The following IQSEC1 variants were observed in gnomAD, a reference collection of about 807,000 sequenced individuals.
The protein encoded by IQSEC1 is IQ motif and Sec7 domain ArfGEF 1.
A neutral mutation model predicts 91.0 loss-of-function variants in IQSEC1; 31 were observed. The observed-to-expected ratio is 0.34, with a 90% CI of 0.26 to 0.46. The LOEUF (loss-of-function observed/expected upper bound fraction) is 0.46. Among genes scored for constraint, IQSEC1 ranks in the 20% least tolerant of loss-of-function variants. The probability of loss-of-function intolerance (pLI) is 1.00; values close to 1 mark genes in which losing one functional copy is unlikely to be tolerated. For synonymous variants in IQSEC1, 699 were observed against 662.6 expected (o/e 1.05, Z -0.84); for missense variants, 1,388 against 1,575.6 (o/e 0.88, Z 2.02).
At chr3:12,927,854 G>A (rs1048533652) in intron 3 of IQSEC1, among the ~76,000 whole-genome samples, 1 of 152,210 alleles carries the variant, frequency 6.6e-6, no homozygotes, top group Non-Finnish European at 1.5e-5. Flanking sequence ...AGGTGACAGT[G>A]AGGACAAAGG....
At chr3:13,153,247 C>T (rs1435026588) in intron 2 of IQSEC1, among the ~76,000 whole-genome samples, 1 of 152,120 alleles carries the variant, frequency 6.6e-6, no homozygotes, top group African/African-American at 2.4e-5. Context: ...TCTGGTCCAG[C>T]GGAAGTTGAA....
chr3:13,107,183 G>A (rs1706164819), intron 2 of IQSEC1, among the ~76,000 whole-genome samples: 1 of 152,180 alleles, frequency 6.6e-6, no homozygotes, highest in Non-Finnish European at 1.5e-5. Context: ...CCCGAGAGAT[G>A]TCTATAGACT....
chr3:13,256,774 T>C (rs1445932382), intron 1 of IQSEC1, among the ~76,000 whole-genome samples: 1 of 152,046 alleles, frequency 6.6e-6, no homozygotes, highest in Non-Finnish European at 1.5e-5. Flanking sequence ...ACCCGTCAGG[T>C]GGCAAACACC....
At chr3:13,113,273 C>G (rs1335142574) in intron 2 of IQSEC1, among the ~76,000 whole-genome samples, 1 of 152,222 alleles carries the variant, frequency 6.6e-6, no homozygotes, top group Non-Finnish European at 1.5e-5. Flanking sequence ...CTGATTGATG[C>G]TGAAGCTGGG....
chr3:13,103,786 GA>G lies in IQSEC1; in HGVS notation c.303-56265del, dbSNP rs898159544. Reference sequence around the variant, plus strand: ...TATTCCATGTTGCCTACCACCCTACGAGGGCAGGGGCTGTGTCTGCCTCCAT... The same window carrying G: ...TATTCCATGTTGCCTACCACCCTACGGGGCAGGGGCTGTGTCTGCCTCCAT... On this transcript the variant is annotated intron_variant, in intron 2 of 15. Coordinates refer to the IQSEC1 transcript ENST00000648114. This position sits in a 1 kb window ranked among gnomAD's most constrained non-coding sequence, Gnocchi z 4.1. Among the ~76,000 whole-genome samples, 6 of 152,142 alleles carry G rather than the reference GA, an allele frequency of 3.9e-5. No individual in the cohort carries two copies. Among genetic ancestry groups the G allele is most frequent in the Non-Finnish European group, 7.4e-5 (5 of 68,016 alleles).
At chr3:12,927,298 CT>C (rs1206347407) in intron 3 of IQSEC1, among the ~76,000 whole-genome samples, 1 of 152,220 alleles carries the variant, frequency 6.6e-6, no homozygotes, top group Non-Finnish European at 1.5e-5. Context: ...AAAATCAGAC[CT>C]TCTGGCGTCC....
intron 1 of IQSEC1, among the ~76,000 whole-genome samples, chr3:12,949,342 A>T (rs1699388120): frequency 6.6e-6 from 1 of 152,164 alleles, no homozygotes; most frequent in Non-Finnish European, 1.5e-5. Context: ...TGGCAAAGCC[A>T]CCCTCTTCAG....
At chr3:12,981,456 T>TG (rs1343102787) in intron 1 of IQSEC1, among the ~76,000 whole-genome samples, 3 of 151,970 alleles carry the variant, frequency 2.0e-5, no homozygotes, top group South Asian at 2.1e-4. Flanking sequence ...GAGACATCTC[T>TG]GGGGGGGAGA....
chr3:13,125,051 G>A (rs1382017546), intron 2 of IQSEC1, among the ~76,000 whole-genome samples: 1 of 152,100 alleles, frequency 6.6e-6, no homozygotes, highest in East Asian at 1.9e-4. Context: ...AATTCAGACA[G>A]CACCACCCTT....
At chr3:13,241,681 C>T (rs528469485) in intron 1 of IQSEC1, among the ~76,000 whole-genome samples, 1 of 152,390 alleles carries the variant, frequency 6.6e-6, no homozygotes, top group African/African-American at 2.4e-5. Flanking sequence ...CCAACCCCAG[C>T]ACATTCTAGC....
At chr3:13,236,814 C>A (rs1694937296) in intron 1 of IQSEC1, among the ~76,000 whole-genome samples, 1 of 152,246 alleles carries the variant, frequency 6.6e-6, no homozygotes, top group Non-Finnish European at 1.5e-5. Context: ...GCACTTGAGG[C>A]CTCTGGTCAC....
intron 1 of IQSEC1, among the ~76,000 whole-genome samples, chr3:13,164,840 G>T (rs1693453006): frequency 6.6e-6 from 1 of 152,186 alleles, no homozygotes. Context: ...AGGAGCAAAG[G>T]GCTTTGAGCA....
Position 12,994,272 on chromosome 3 carries a change from G to A in IQSEC1, c.24-52407C>T, listed in dbSNP as rs1702131426. Among the ~76,000 whole-genome samples the A allele has an allele frequency of 6.6e-6, 1 of 150,680 alleles. No homozygotes were observed. ...CGCCCTCCTGCCCGCCCCACCGCCC[G>A]TGCGCCGTGACCTTGGCGGGTGGCC... On this transcript the variant is annotated intron_variant, in intron 1 of 13. Coordinates refer to ENST00000613206, the MANE Select transcript of IQSEC1 (RefSeq NM_001134382.3). The surrounding 1 kb of genome is among the most constrained non-coding windows in gnomAD (Gnocchi z 4.5).
rs1253660120 is a variant in IQSEC1 at position 12,909,090 on chromosome 3, C to G, written c.2578+183G>C. Reference sequence around the variant, plus strand: ...CAGGTAGGGCGGGTCCTGGATTGGACTCCCTCTGTGCCTCCTGCAGCCTGG... The same window carrying G: ...CAGGTAGGGCGGGTCCTGGATTGGAGTCCCTCTGTGCCTCCTGCAGCCTGG... On this transcript the variant is annotated intron_variant, in intron 11 of 13. Transcript: ENST00000613206. This position sits in a 1 kb window ranked among gnomAD's most constrained non-coding sequence, Gnocchi z 4.9. 6.6e-6 allele frequency among the ~76,000 whole-genome samples: 1 copy of G among 152,178 alleles called. No individual in the cohort carries two copies. The highest frequency in any genetic ancestry group is 1.5e-5 in the Non-Finnish European group (1 of 68,032).
intron 1 of IQSEC1, among the ~76,000 whole-genome samples, chr3:13,236,615 C>T (rs556631172): frequency 1.3e-5 from 2 of 152,288 alleles, no homozygotes; most frequent in African/African-American, 4.8e-5. Flanking sequence ...CCAACCATCC[C>T]CTCCACCTTC....
intron 12 of IQSEC1, 79 bp from the exon 13 acceptor site, chr3:12,902,901 C>T (rs1694523602): frequency 4.6e-6 from 5 of 1,077,796 alleles, no homozygotes; most frequent in African/African-American, 1.6e-5. Flanking sequence ...CACGCTGCTG[C>T]CACGGAGCCT....
chr3:13,224,193 T>G (rs944428426), intron 1 of IQSEC1, among the ~76,000 whole-genome samples: 1 of 152,046 alleles, frequency 6.6e-6, no homozygotes, highest in Non-Finnish European at 1.5e-5. Flanking sequence ...AGAGCCGACA[T>G]CGACCTCACT....
chr3:13,082,918 T>C (rs929058316), intron 2 of IQSEC1, among the ~76,000 whole-genome samples: 2 of 152,162 alleles, frequency 1.3e-5, no homozygotes, highest in Admixed American at 6.5e-5. Flanking sequence ...GCCACCCTCA[T>C]TGGGAATGCT....
intron 1 of IQSEC1, among the ~76,000 whole-genome samples, chr3:13,191,738 A>G (rs1249875669): frequency 6.6e-6 from 1 of 152,216 alleles, no homozygotes. Flanking sequence ...TCTCAGCACT[A>G]GCTTTAAAGC....
Sources: allele counts gnomAD v4.1 joint callset (sites outside exome capture counted in the v4.1 genomes callset), GRCh38; gene constraint gnomAD v4.1.1; non-coding constraint Gnocchi (gnomAD v3.1); transcripts MANE v1.5; gene names NCBI Gene and HGNC (gene_info 2026-07-23, HGNC 2026-07-21).